PARP11: variants seen among roughly 807,000 people sequenced by gnomAD.
PARP11 encodes the protein protein mono-ADP-ribosyltransferase PARP11.
Under a neutral mutation model 42.9 loss-of-function variants are expected in PARP11, and 31 were observed. That is an observed-to-expected ratio of 0.72 (90% confidence interval 0.54 to 0.98). The LOEUF (loss-of-function observed/expected upper bound fraction) is 0.98. Among genes scored for constraint, PARP11 ranks in the 50% least tolerant of loss-of-function variants. The pLI, the probability that PARP11 is intolerant of heterozygous loss-of-function variation, is 0.00. For synonymous variants in PARP11, 137 were observed against 127.3 expected (o/e 1.08, Z -0.51); for missense variants, 365 against 413.1 (o/e 0.88, Z 1.01).
Position 3,872,441 on chromosome 12 carries a change from C to T in PARP11, c.18+771G>A, listed in dbSNP as rs533745656. ...AAGGTACTAAAGTTTTCGGCCCCTACGTTGCACTTTAAATAAATAAATGTA... is the reference window on the plus strand; with the variant it reads ...AAGGTACTAAAGTTTTCGGCCCCTATGTTGCACTTTAAATAAATAAATGTA... On this transcript the variant is annotated intron_variant, in intron 1 of 7. Coordinates refer to ENST00000228820, the MANE Select transcript of PARP11 (RefSeq NM_020367.6). 42 of 879,504 alleles carry T rather than the reference C, an allele frequency of 4.8e-5. No individual in the cohort carries two copies. The South Asian group carries it at 1.8e-3, about 38-fold the overall frequency. The allele number at this position is 879,504 out of a possible 1,614,324, so 54.5% of individuals were successfully genotyped here.
At position 3,873,383 on chromosome 12, in the gene PARP11, G is replaced by A; in HGVS notation, c.-154C>T. ...TTCCTCCTCCCCCTCCCTGTCACAA[G>A]CCAGCGTTTACAGACCACCCAACCT... On this transcript the variant is annotated 5_prime_UTR_variant, in exon 1 of 8. Coordinates refer to ENST00000228820, the MANE Select transcript of PARP11 (RefSeq NM_020367.6). 1 of 720,236 alleles carries A rather than the reference G, an allele frequency of 1.4e-6. No homozygotes were observed. Among genetic ancestry groups the A allele is most frequent in the Non-Finnish European group, 2.4e-6 (1 of 414,756 alleles). 44.6% of individuals were successfully genotyped at this position (720,236 alleles called of 1,614,324 possible). A position where few individuals can be genotyped will look rare whatever the true frequency, so the allele number is the denominator to read the frequency against.
At chr12:3,857,283 A>AATG (rs920545932) in intron 1 of PARP11, among the ~76,000 whole-genome samples, 1 of 152,132 alleles carries the variant, frequency 6.6e-6, no homozygotes, top group African/African-American at 2.4e-5. Flanking sequence ...TAATAATAAT[A>AATG]ATAAAAAAAA....
chr12:3,829,778 T>G, intron 2 of PARP11, 112 bp downstream of exon 2: 1 of 1,100,168 alleles, frequency 9.1e-7, no homozygotes, highest in Non-Finnish European at 1.3e-6. Context: ...AACAATTTTA[T>G]TTCCTTAAGC....
intron 1 of PARP11, among the ~76,000 whole-genome samples, chr12:3,853,871 C>T (rs1948144292): frequency 6.6e-6 from 1 of 152,146 alleles, no homozygotes; most frequent in Admixed American, 6.6e-5. Context: ...CCAAAATTGA[C>T]CACATAGTTG....
intron 6 of PARP11, among the ~76,000 whole-genome samples, chr12:3,818,590 T>A (rs1420182766): frequency 1.3e-5 from 2 of 152,230 alleles, no homozygotes; most frequent in Non-Finnish European, 2.9e-5. Flanking sequence ...CCACATTAGC[T>A]GTCTTCTCAC....
chr12:3,832,116 A>G, intron 1 of PARP11: 1 of 978,160 alleles, frequency 1.0e-6, no homozygotes, highest in South Asian at 4.7e-5. Flanking sequence ...CACCTTACCT[A>G]AGACTTCGCT....
In PARP11 at chr12:3,812,336, C is replaced by T. The variant is rs777047930; in HGVS notation, c.804G>A (p.Arg268=). The T allele has an allele frequency of 1.2e-4, 199 of 1,614,032 alleles. No homozygotes were observed. Among genetic ancestry groups the T allele is most frequent in the Non-Finnish European group, 1.5e-4 (181 of 1,180,008 alleles). Residue 268 remains arginine, a synonymous_variant, in exon 8 of 8, where the codon CGG becomes CGA. Transcript: ENST00000228820. ...TAGATTTATATGTTCTAAACAGATG[C>T]CGCTGTTGCAAGCTGACACCATGAA... is the stretch of plus-strand genomic sequence containing the variant. ...FQIHGVSLQQ[R]HLFRTYKSMF...
intron 1 of PARP11, 31 bp downstream of exon 1, chr12:3,873,181 T>TG: frequency 3.5e-6 from 4 of 1,136,036 alleles, no homozygotes; most frequent in Non-Finnish European, 5.0e-6. Context: ...CCCCGCCCCC[T>TG]GGGCCCGCCC....
At chr12:3,819,727 C>T (rs1947356801) in intron 6 of PARP11, among the ~76,000 whole-genome samples, 1 of 152,220 alleles carries the variant, frequency 6.6e-6, no homozygotes, top group Admixed American at 6.5e-5. Flanking sequence ...CCCACGTGGT[C>T]TAGCCCCCGC....
At chr12:3,837,329 G>A (rs1247642623) in intron 1 of PARP11, among the ~76,000 whole-genome samples, 1 of 152,118 alleles carries the variant, frequency 6.6e-6, no homozygotes, top group Non-Finnish European at 1.5e-5. Flanking sequence ...GGCCTAGTGG[G>A]TAAAAAAAGA....
intron 4 of PARP11, chr12:3,824,809 T>C (rs1432288527): frequency 1.3e-5 from 2 of 157,052 alleles, no homozygotes; most frequent in Admixed American, 1.3e-4. Flanking sequence ...CCAGATTAAA[T>C]ACTTTCTGAA....
intron 1 of PARP11, among the ~76,000 whole-genome samples, chr12:3,867,129 C>T (rs1948407033): frequency 6.6e-6 from 1 of 152,168 alleles, no homozygotes; most frequent in Non-Finnish European, 1.5e-5. Flanking sequence ...AGGTGCCACA[C>T]ATTCAAAATT....
chr12:3,871,760 G>A (rs570852827), intron 1 of PARP11: 1 of 152,328 alleles, frequency 6.6e-6, no homozygotes, highest in South Asian at 2.1e-4. Context: ...CCCACTCTCT[G>A]AGGGTTGTGT....
At chr12:3,836,575 T>C (rs1947767570) in intron 1 of PARP11, among the ~76,000 whole-genome samples, 1 of 152,188 alleles carries the variant, frequency 6.6e-6, no homozygotes, top group Non-Finnish European at 1.5e-5. Context: ...TGCTGATTTC[T>C]CCTTTCCTCT....
At chr12:3,834,767 CAAG>C (rs1230649307) in intron 1 of PARP11, among the ~76,000 whole-genome samples, 1 of 151,272 alleles carries the variant, frequency 6.6e-6, no homozygotes, top group East Asian at 1.9e-4. Flanking sequence ...CAGAGACAGC[CAAG>C]AAGAGCCCTC....
At chr12:3,818,787 C>A (rs532022757) in intron 6 of PARP11, among the ~76,000 whole-genome samples, 1 of 152,184 alleles carries the variant, frequency 6.6e-6, no homozygotes, top group African/African-American at 2.4e-5. Context: ...ACAGATGGCA[C>A]CTACTTGTGT....
chr12:3,872,892 CTCCAG>C, intron 1 of PARP11: 1 of 635,518 alleles, frequency 1.6e-6, no homozygotes, highest in Non-Finnish European at 2.0e-6. Context: ...CGCCACTGCA[CTCCAG>C]CCTGGACAAC....
At chr12:3,841,978 C>T (rs201392673) in intron 1 of PARP11, 221 of 1,610,462 alleles carry the variant, frequency 1.4e-4, no homozygotes, top group South Asian at 4.7e-4. Context: ...AGACGAAGGC[C>T]GGACAGAGCA....
chr12:3,857,946 A>G (rs953660318), intron 1 of PARP11, among the ~76,000 whole-genome samples: 2 of 152,240 alleles, frequency 1.3e-5, no homozygotes. Flanking sequence ...GTGAACAGAG[A>G]TAAGGGTGTA....
Sources: gnomAD v4.1 joint callset for allele counts (sites outside exome capture counted in the v4.1 genomes callset) on GRCh38, gnomAD v4.1.1 for gene constraint, MANE v1.5 for transcripts, NCBI Gene and HGNC (gene_info 2026-07-23, HGNC 2026-07-21) for gene names.